TTN: variants seen among roughly 807,000 people sequenced by gnomAD.
The protein encoded by TTN is connectin.
Under a neutral mutation model 3,223.0 loss-of-function variants are expected in TTN, and 1,525 were observed. The observed-to-expected ratio is 0.47, with a 90% CI of 0.45 to 0.49. The LOEUF is 0.49. Among genes scored for constraint, TTN ranks in the 20% least tolerant of loss-of-function variants. TTN has a pLI of 0.00. For missense variants in TTN, 40,786 were observed against 43,424.0 expected, an observed-to-expected ratio of 0.94 and a Z score of 5.40; for synonymous variants, 14,094 against 15,161.0, an observed-to-expected ratio of 0.93 and a Z score of 5.17.
chr2:178,648,882 T>C (rs1560075714), intron 213 of TTN, among the ~76,000 whole-genome samples: 3 of 152,188 alleles, frequency 2.0e-5, no homozygotes, highest in Admixed American at 6.5e-5. Flanking sequence ...AGTCCTGTTA[T>C]CTTTCTATCC....
At chr2:178,646,134 ATATATATATATATG>A (rs1358754434) in intron 216 of TTN, 104 bp from the exon 217 acceptor site, 2 of 153,588 alleles carry the variant, frequency 1.3e-5, no homozygotes, top group Non-Finnish European at 2.5e-5. Flanking sequence ...ATATATATAT[ATATATATATATATG>A]AAGTACAAAG....
chr2:178,616,951 T>C lies in TTN; in HGVS notation c.47938A>G (p.Ile15980Val), dbSNP rs780634456. 2.7e-5 allele frequency: 43 copies of C among 1,612,594 alleles called. No individual in the cohort carries two copies. The Middle Eastern group carries it at 4.9e-4, about 19-fold the overall frequency. Reference sequence around the variant, plus strand: ...CCTGTACTTGGAACCAGGATCGTGATAGGATTTGGGACAATAACTTCCAGA... The same window carrying C: ...CCTGTACTTGGAACCAGGATCGTGACAGGATTTGGGACAATAACTTCCAGA... ...DGLEVIVPNP[I>V]TILVPSTGYP... The change falls in exon 256 of 363, where the codon ATC (isoleucine) becomes GTC (valine). Residue 15980 changes from isoleucine (I) to valine (V), a missense_variant. Physicochemically the swap from Ile to Val is conservative, Grantham distance 29 (BLOSUM62 3). Transcript: ENST00000589042.
At chr2:178,716,034 C>T (rs1221738429) in intron 88 of TTN, among the ~76,000 whole-genome samples, 2 of 152,086 alleles carry the variant, frequency 1.3e-5, no homozygotes, top group Admixed American at 6.6e-5. Flanking sequence ...GCCATCCTCT[C>T]CCCAGCAAAA....
At chr2:178,667,763 G>T (rs1027522347) in intron 159 of TTN, 42 bp from the exon 160 acceptor site, 5 of 1,376,334 alleles carry the variant, frequency 3.6e-6, no homozygotes, top group Non-Finnish European at 4.0e-6. Flanking sequence ...ATGTTTCAAG[G>T]TGGATAAAGA....
At chr2:178,704,448 C>A (rs369337943) in intron 105 of TTN, 41 bp from the exon 106 acceptor site, 2 of 1,601,658 alleles carry the variant, frequency 1.2e-6, no homozygotes, top group South Asian at 1.1e-5. Flanking sequence ...CAATATCACA[C>A]GCAGATGTGC....
chr2:178,701,337 A>T, intron 110 of TTN, 134 bp from the exon 111 acceptor site: 2 of 1,019,082 alleles, frequency 2.0e-6, no homozygotes, highest in Non-Finnish European at 2.8e-6. Context: ...AACAAATAAA[A>T]GTAGCATTTA....
Position 178,740,276 on chromosome 2 carries a change from C to T in TTN, c.12957G>A (p.Ala4319=), listed in dbSNP as rs762330685. Residue 4319 remains alanine, a synonymous_variant, in exon 48 of 363, where the codon GCG becomes GCA. Coordinates refer to ENST00000589042, the MANE Select transcript of TTN (RefSeq NM_001267550.2). ...NPLENAGQDS[A]VRIEEGKSLR... is the part of the protein sequence containing the mutation. ...AGGACTTGCCTTCCTCAATTCTGAC[C>T]GCAGAATCTTGCCCTGCATTTTCCA... 75 of 1,613,494 alleles carry T rather than the reference C, an allele frequency of 4.6e-5. 1 individual carries two copies. The Admixed American group carries it at 5.0e-4, about 11-fold the overall frequency.
Position 178,605,230 on chromosome 2 carries a change from G to C in TTN, c.53947C>G (p.Pro17983Ala). Residue 17983 changes from proline to alanine, a missense_variant, in exon 280 of 363, where the codon CCT (proline) becomes GCT (alanine). Transcript: ENST00000589042. ...GTCACATCTGCAGGGATGTGGACAGGCTCTCCTGCCTTAACTTTGATAGTG... is the reference window on the plus strand; with the variant it reads ...GTCACATCTGCAGGGATGTGGACAGCCTCTCCTGCCTTAACTTTGATAGTG... ...GDTIKVKAGE[P>A]VHIPADVTGL... is the part of the protein sequence containing the mutation. 1 of 1,610,888 alleles carries C rather than the reference G, an allele frequency of 6.2e-7. No individual in the cohort carries two copies. The highest frequency in any genetic ancestry group is 8.5e-7 in the Non-Finnish European group (1 of 1,178,518).
chr2:178,750,035 T>C, intron 47 of TTN: 1 of 1,613,240 alleles, frequency 6.2e-7, no homozygotes, highest in Non-Finnish European at 8.5e-7. Context: ...TTGAAACACT[T>C]CTTTAGACTC....
At position 178,567,959 on chromosome 2, in the gene TTN, CCTT is replaced by C; in HGVS notation, c.78170_78172del (p.Glu26057del). 6.2e-7 allele frequency: 1 copy of C among 1,613,534 alleles called. No individual in the cohort carries two copies. Among genetic ancestry groups the C allele is most frequent in the Non-Finnish European group, 8.5e-7 (1 of 1,179,610 alleles). ...ATACACTCTGAATTCATATTCAATG[CCTT>C]CTTCAAGATTCTGTGCTTTGAATTG... On this transcript the variant is annotated inframe_deletion, in exon 326 of 363. Transcript: ENST00000589042.
At chr2:178,700,089 T>G (rs1043674029) in intron 111 of TTN, among the ~76,000 whole-genome samples, 2 of 152,204 alleles carry the variant, frequency 1.3e-5, no homozygotes, top group Non-Finnish European at 2.9e-5. Context: ...ATGTTGATAC[T>G]ACCAGTCAAA....
In TTN at chr2:178,770,679, AAGACAAAT is replaced by A; in HGVS notation, c.8117-12_8117-5del. On this transcript the variant is annotated splice_polypyrimidine_tract_variant and splice_region_variant and intron_variant, in intron 34 of 362. Transcript: ENST00000589042. ...AGAGTCTTCTTAATTTTGACAGCTA[AAGACAAAT>A]TTATGATTGGGTTAGAAAATATAGA... is the stretch of plus-strand genomic sequence containing the variant. 1 of 1,609,950 alleles carries A rather than the reference AAGACAAAT, an allele frequency of 6.2e-7. No individual in the cohort carries two copies. The highest frequency in any genetic ancestry group is 8.5e-7 in the Non-Finnish European group (1 of 1,179,924).
In TTN at chr2:178,665,377, T is replaced by G; in HGVS notation, c.36043A>C (p.Thr12015Pro). 1.2e-6 allele frequency: 2 copies of G among 1,612,070 alleles called. No homozygotes were observed. The highest frequency in any genetic ancestry group is 1.7e-6 in the Non-Finnish European group (2 of 1,179,246). The change falls in exon 165 of 363, where the codon ACG becomes CCG. Residue 12015 changes from threonine (T) to proline (P), a missense_variant and splice_region_variant. Transcript: ENST00000589042. ...PEEPETPRMKTPEAPQEIIPA... is the reference protein window; with the variant it reads ...PEEPETPRMKPPEAPQEIIPA... Reference sequence around the variant, plus strand: ...CCACATTTGTTCAGAGGTAACGTACTTTTCATACGTGGAGTTTCTGGCTCT... The same window carrying G: ...CCACATTTGTTCAGAGGTAACGTACGTTTCATACGTGGAGTTTCTGGCTCT...
chr2:178,536,419 G>T lies in TTN; in HGVS notation c.100328C>A (p.Thr33443Lys). The T allele has an allele frequency of 6.2e-7, 1 of 1,613,496 alleles. No homozygotes were observed. The highest frequency in any genetic ancestry group is 8.5e-7 in the Non-Finnish European group (1 of 1,179,650). The part of the protein sequence containing the change: ...EKKQNKWISV[T>K]TEEIRETVFS... ...GACAGTTTCTCGAATTTCTTCTGTT[G>T]TCACAGAAATCCATTTATTCTGCTT... The change falls in exon 357 of 363, where the codon ACA becomes AAA. Residue 33443 changes from threonine to lysine, a missense_variant. Coordinates refer to ENST00000589042, the MANE Select transcript of TTN (RefSeq NM_001267550.2).
chr2:178,747,004 T>C lies in TTN; in HGVS notation c.11312-5083A>G, dbSNP rs376740361. The C allele has an allele frequency of 3.0e-5, 48 of 1,613,372 alleles. No homozygotes were observed. Among genetic ancestry groups the C allele is most frequent in the Non-Finnish European group, 3.6e-5 (42 of 1,179,654 alleles). The stretch of plus-strand genomic sequence containing the variant: ...CTTCCCTTTCTATTTTTGATGGATA[T>C]GTTTTAAAAGTACCAGTGGGGTTTG... On this transcript the variant is annotated intron_variant, in intron 47 of 362. Coordinates refer to ENST00000589042, the MANE Select transcript of TTN (RefSeq NM_001267550.2).
chr2:178,798,048 T>C (rs867315466), intron 6 of TTN, among the ~76,000 whole-genome samples: 50 of 152,086 alleles, frequency 3.3e-4, no homozygotes, highest in African/African-American at 1.2e-3. Context: ...TTGAATTCCC[T>C]ATATACTTGG....
At chr2:178,581,438 T>A (rs866005311) in intron 316 of TTN, 61 bp downstream of exon 316, 3 of 1,379,560 alleles carry the variant, frequency 2.2e-6, no homozygotes, top group Non-Finnish European at 3.0e-6. Context: ...GGAGTTCTAG[T>A]CTCCCTCTTA....
chr2:178,710,095 A>G (rs1210358805), intron 98 of TTN, among the ~76,000 whole-genome samples: 1 of 152,182 alleles, frequency 6.6e-6, no homozygotes, highest in Admixed American at 6.5e-5. Flanking sequence ...GAGAATCACA[A>G]ATTTGTAAAA....
rs2079303845 is a variant in TTN at position 178,726,175 on chromosome 2, C to T, written c.20276-129G>A. 1.2e-5 allele frequency: 13 copies of T among 1,104,320 alleles called. No individual in the cohort carries two copies. The East Asian group carries it at 3.6e-4, about 31-fold the overall frequency. The allele number at this position is 1,104,320 out of a possible 1,614,324, so 68.4% of individuals were successfully genotyped here. A position where few individuals can be genotyped will look rare whatever the true frequency, so the allele number is the denominator to read the frequency against. On this transcript the variant is annotated intron_variant, in intron 69 of 362. Coordinates refer to ENST00000589042, the MANE Select transcript of TTN (RefSeq NM_001267550.2). ...GGGTAAGTAGAGTCCAGCACTAACACTCTCATGGGATAACAGCCTCAGAAG... is the reference window on the plus strand; with the variant it reads ...GGGTAAGTAGAGTCCAGCACTAACATTCTCATGGGATAACAGCCTCAGAAG...
Sources: gnomAD v4.1 joint callset for allele counts (sites outside exome capture counted in the v4.1 genomes callset) on GRCh38, gnomAD v4.1.1 for gene constraint, MANE v1.5 for transcripts, NCBI Gene and HGNC (gene_info 2026-07-23, HGNC 2026-07-21) for gene names.